CNBD1: variants seen among roughly 807,000 people sequenced by gnomAD.
The protein encoded by CNBD1 is cyclic nucleotide-binding domain-containing protein 1.
Under a neutral mutation model 54.4 loss-of-function variants are expected in CNBD1, and 71 were observed. The observed-to-expected ratio is 1.30, with a 90% CI of 1.08 to 1.59. CNBD1 has a LOEUF of 1.59. Among genes scored for constraint, CNBD1 ranks in the 40% most tolerant of loss-of-function variants. The probability of loss-of-function intolerance (pLI) is 0.00; values close to 1 mark genes in which losing one functional copy is unlikely to be tolerated. For synonymous variants in CNBD1, 182 were observed against 170.7 expected (o/e 1.07, Z -0.51); for missense variants, 659 against 518.0 (o/e 1.27, Z -2.64).
chr8:87,278,050 C>G (rs1441389831), intron 6 of CNBD1, among the ~76,000 whole-genome samples: 1 of 151,268 alleles, frequency 6.6e-6, no homozygotes, highest in Non-Finnish European at 1.5e-5. Context: ...AAATTAATAA[C>G]TCAATAGATG....
chr8:87,407,662 T>G (rs942878936), intron 2 of CNBD1, among the ~76,000 whole-genome samples: 2 of 152,062 alleles, frequency 1.3e-5, no homozygotes, highest in Non-Finnish European at 2.9e-5. Flanking sequence ...CAGCTATTGG[T>G]TTTTTCCTTT....
chr8:87,413,269 A>G (rs1481845480), intron 2 of CNBD1, among the ~76,000 whole-genome samples: 3 of 152,082 alleles, frequency 2.0e-5, no homozygotes, highest in South Asian at 4.1e-4. Context: ...TCCCTTTTGC[A>G]TAGTGAGTTT....
At chr8:87,228,148 T>G (rs1306416614) in intron 5 of CNBD1, among the ~76,000 whole-genome samples, 1 of 150,666 alleles carries the variant, frequency 6.6e-6, no homozygotes, top group African/African-American at 2.5e-5. Flanking sequence ...TCTTCTAAAT[T>G]TTTTTCAAAG....
At chr8:87,347,280 C>G (rs955804293) in intron 8 of CNBD1, among the ~76,000 whole-genome samples, 2 of 152,142 alleles carry the variant, frequency 1.3e-5, no homozygotes, top group Non-Finnish European at 2.9e-5. Context: ...ATCTAAGCCA[C>G]CATATTCTGA....
chr8:87,398,532 A>C (rs538606289), intron 2 of CNBD1, among the ~76,000 whole-genome samples: 2 of 152,114 alleles, frequency 1.3e-5, no homozygotes, highest in Non-Finnish European at 2.9e-5. Context: ...CAATTTTTCC[A>C]AATGCTTTTC....
chr8:87,118,056 C>T (rs911518942), intron 4 of CNBD1, among the ~76,000 whole-genome samples: 22 of 151,922 alleles, frequency 1.4e-4, no homozygotes, highest in Admixed American at 1.4e-3. Flanking sequence ...TGCCTCACAC[C>T]TGTAATCTCA....
At chr8:87,376,322 C>T (rs184837406) in intron 10 of CNBD1, among the ~76,000 whole-genome samples, 13 of 151,930 alleles carry the variant, frequency 8.6e-5, no homozygotes, top group Admixed American at 7.2e-4. Flanking sequence ...TGTATTCTCA[C>T]ATGGCTGAGA....
chr8:86,948,486 G>A (rs957149766), intron 4 of CNBD1, among the ~76,000 whole-genome samples: 1 of 152,020 alleles, frequency 6.6e-6, no homozygotes, highest in Non-Finnish European at 1.5e-5. Flanking sequence ...TTGTAGTTTT[G>A]ATTTGCATTT....
At chr8:87,097,339 C>T (rs1349843908) in intron 4 of CNBD1, among the ~76,000 whole-genome samples, 7 of 152,078 alleles carry the variant, frequency 4.6e-5, no homozygotes, top group Non-Finnish European at 8.8e-5. Flanking sequence ...AACTGAGGTT[C>T]GTAGTTTATG....
intron 8 of CNBD1, among the ~76,000 whole-genome samples, chr8:87,341,886 A>T (rs974134031): frequency 6.6e-6 from 1 of 151,898 alleles, no homozygotes; most frequent in African/African-American, 2.4e-5. Flanking sequence ...ATATTCTATT[A>T]TAGCAGTACG....
chr8:87,380,593 G>A (rs540090687), intron 10 of CNBD1, among the ~76,000 whole-genome samples: 3 of 151,946 alleles, frequency 2.0e-5, no homozygotes, highest in Non-Finnish European at 4.4e-5. Flanking sequence ...TATTGAATCT[G>A]TAGGTCTCAT....
chr8:87,021,772 C>G (rs1809492658), intron 4 of CNBD1, among the ~76,000 whole-genome samples: 1 of 151,876 alleles, frequency 6.6e-6, no homozygotes. Flanking sequence ...TTGAGGAACT[C>G]TGATCTAAAG....
chr8:86,985,400 T>C (rs1346216696), intron 4 of CNBD1, among the ~76,000 whole-genome samples: 1 of 152,208 alleles, frequency 6.6e-6, no homozygotes, highest in Non-Finnish European at 1.5e-5. Flanking sequence ...CCCTTCCTCC[T>C]GCCTAGTAGC....
At chr8:87,156,540 G>C (rs1035261969) in intron 4 of CNBD1, among the ~76,000 whole-genome samples, 1 of 151,766 alleles carries the variant, frequency 6.6e-6, no homozygotes, top group Non-Finnish European at 1.5e-5. Context: ...CACCGCACCT[G>C]GCCTCCCATG....
At chr8:87,422,790 GT>G (rs1483205900) in intron 2 of CNBD1, among the ~76,000 whole-genome samples, 3 of 152,116 alleles carry the variant, frequency 2.0e-5, no homozygotes, top group Admixed American at 6.5e-5. Context: ...CTTTAAAGTA[GT>G]TTTTCCCAAT....
intron 4 of CNBD1, among the ~76,000 whole-genome samples, chr8:87,140,054 A>T (rs1317883975): frequency 6.6e-6 from 1 of 152,074 alleles, no homozygotes; most frequent in African/African-American, 2.4e-5. Context: ...ATGAAAAGGA[A>T]AAAAAAATTG....
At chr8:87,102,636 CAG>C (rs1811453717) in intron 4 of CNBD1, among the ~76,000 whole-genome samples, 1 of 151,886 alleles carries the variant, frequency 6.6e-6, no homozygotes, top group Admixed American at 6.6e-5. Context: ...GTTTTTGAGA[CAG>C]AGTCTCACTC....
chr8:87,311,465 T>G (rs1230932699), intron 8 of CNBD1, among the ~76,000 whole-genome samples: 2 of 152,118 alleles, frequency 1.3e-5, no homozygotes, highest in African/African-American at 4.8e-5. Context: ...CTGGTGAGGC[T>G]GCAGAGAAAA....
chr8:87,350,944 G>A (rs191071425), intron 8 of CNBD1, among the ~76,000 whole-genome samples: 1 of 152,202 alleles, frequency 6.6e-6, no homozygotes, highest in Admixed American at 6.5e-5. Flanking sequence ...CTTGGCCTTA[G>A]AGTGACTTTA....
Sources: gnomAD v4.1 joint callset for allele counts (sites outside exome capture counted in the v4.1 genomes callset) on GRCh38, gnomAD v4.1.1 for gene constraint, MANE v1.5 for transcripts, NCBI Gene and HGNC (gene_info 2026-07-23, HGNC 2026-07-21) for gene names.